SPTLC3: variants seen among roughly 807,000 people sequenced by gnomAD.
SPTLC3 encodes the protein serine palmitoyltransferase 3.
A neutral mutation model predicts 59.3 loss-of-function variants in SPTLC3; 36 were observed. The ratio of observed to expected loss-of-function variants is 0.61; its 90% CI spans 0.47 to 0.80. The LOEUF (loss-of-function observed/expected upper bound fraction) is 0.80. SPTLC3 is among the 30% of genes least tolerant of loss of function. The pLI, the probability that SPTLC3 is intolerant of heterozygous loss-of-function variation, is 0.00. For missense variants in SPTLC3, 625 were observed against 685.1 expected, an observed-to-expected ratio of 0.91 and a Z score of 0.98; for synonymous variants, 257 against 240.8, an observed-to-expected ratio of 1.07 and a Z score of -0.62.
rs115788884 is a variant in SPTLC3 at position 13,119,153 on chromosome 20, T to G, written c.1152+1428T>G. Among the ~76,000 whole-genome samples the G allele has an allele frequency of 3.7e-3, 563 of 152,358 alleles. 3 individuals are homozygous for G. Among genetic ancestry groups the G allele is most frequent in the African/African-American group, 0.013 (536 of 41,580 alleles). ...CTCCCTGATCCTGGCTACATTGCTCTGTGAGCTTGTGGTTTTGTGATTACT... is the reference window on the plus strand; with the variant it reads ...CTCCCTGATCCTGGCTACATTGCTCGGTGAGCTTGTGGTTTTGTGATTACT... On this transcript the variant is annotated intron_variant, in intron 8 of 11. Coordinates refer to ENST00000399002, the MANE Select transcript of SPTLC3 (RefSeq NM_018327.4).
intron 1 of SPTLC3, among the ~76,000 whole-genome samples, chr20:13,035,737 C>T (rs992686853): frequency 6.6e-6 from 1 of 152,136 alleles, no homozygotes; most frequent in African/African-American, 2.4e-5. Context: ...AGCAACTCTC[C>T]TATTTGTAAA....
chr20:13,071,445 AT>A (rs1456089630), intron 2 of SPTLC3, among the ~76,000 whole-genome samples: 1 of 152,198 alleles, frequency 6.6e-6, no homozygotes, highest in Non-Finnish European at 1.5e-5. Context: ...TAAATAGATT[AT>A]TCTGATGCAG....
At chr20:13,057,677 T>G (rs1987785469) in intron 2 of SPTLC3, among the ~76,000 whole-genome samples, 1 of 152,202 alleles carries the variant, frequency 6.6e-6, no homozygotes, top group African/African-American at 2.4e-5. Flanking sequence ...TAGACTCCAC[T>G]AACAATCAGT....
intron 1 of SPTLC3, among the ~76,000 whole-genome samples, chr20:13,020,543 A>T (rs1985825277): frequency 6.6e-6 from 1 of 152,084 alleles, no homozygotes; most frequent in African/African-American, 2.4e-5. Context: ...TTTGTCATTT[A>T]TATTAGAAGT....
intron 9 of SPTLC3, among the ~76,000 whole-genome samples, chr20:13,138,835 G>C (rs911414079): frequency 7.2e-5 from 11 of 152,170 alleles, no homozygotes; most frequent in African/African-American, 2.7e-4. Context: ...GAGCATGCTG[G>C]ATAATTCAAG....
intron 9 of SPTLC3, among the ~76,000 whole-genome samples, chr20:13,144,764 T>C (rs924888521): frequency 6.6e-6 from 1 of 152,126 alleles, no homozygotes; most frequent in African/African-American, 2.4e-5. Flanking sequence ...TGTGTGTGTG[T>C]GTGTATATAT....
chr20:13,078,769 T>G (rs1988736536), intron 4 of SPTLC3, among the ~76,000 whole-genome samples: 1 of 152,116 alleles, frequency 6.6e-6, no homozygotes, highest in Admixed American at 6.6e-5. Context: ...GGAGGGCAAG[T>G]GAGACTTGTG....
At chr20:13,116,033 C>T (rs1320095583) in intron 7 of SPTLC3, among the ~76,000 whole-genome samples, 1 of 152,116 alleles carries the variant, frequency 6.6e-6, no homozygotes, top group Non-Finnish European at 1.5e-5. Flanking sequence ...TAAGAAAAGA[C>T]AACTGTATTT....
At chr20:13,074,008 C>A (rs1600253461) in intron 3 of SPTLC3, 2 of 623,498 alleles carry the variant, frequency 3.2e-6, no homozygotes, top group East Asian at 3.9e-5. Context: ...CGGAGATAGT[C>A]CTGTCTCCAT....
intron 4 of SPTLC3, 46 bp from the exon 5 acceptor site, chr20:13,091,037 C>T: frequency 1.2e-6 from 2 of 1,605,790 alleles, no homozygotes; most frequent in Non-Finnish European, 1.7e-6. Context: ...CAATCTTGGC[C>T]TTGTTGAAAA....
At chr20:13,113,532 A>C (rs969424960) in intron 7 of SPTLC3, among the ~76,000 whole-genome samples, 1 of 152,214 alleles carries the variant, frequency 6.6e-6, no homozygotes, top group Non-Finnish European at 1.5e-5. Context: ...ACAACTCCAC[A>C]AAACTAATAA....
At chr20:13,114,301 A>G (rs1351397149) in intron 7 of SPTLC3, among the ~76,000 whole-genome samples, 1 of 152,230 alleles carries the variant, frequency 6.6e-6, no homozygotes, top group Non-Finnish European at 1.5e-5. Flanking sequence ...GTATGTTTTC[A>G]TTAAGTATCA....
intron 2 of SPTLC3, among the ~76,000 whole-genome samples, chr20:13,063,765 G>A (rs1193509315): frequency 6.6e-6 from 1 of 150,498 alleles, no homozygotes; most frequent in Non-Finnish European, 1.5e-5. Flanking sequence ...AGTGATTCTA[G>A]TGCCTCAGCC....
intron 1 of SPTLC3, among the ~76,000 whole-genome samples, chr20:13,034,055 T>C (rs77296076): frequency 6.6e-6 from 1 of 152,184 alleles, no homozygotes; most frequent in Non-Finnish European, 1.5e-5. Context: ...TTGATACTGC[T>C]TAGGCAATAA....
chr20:13,074,152 C>A, intron 3 of SPTLC3, 197 bp from the exon 4 acceptor site: 1 of 773,602 alleles, frequency 1.3e-6, no homozygotes, highest in East Asian at 2.6e-5. Context: ...CTGGATCCTC[C>A]GAGGGAAACC....
intron 6 of SPTLC3, among the ~76,000 whole-genome samples, chr20:13,097,891 A>G (rs1475268491): frequency 6.6e-6 from 1 of 152,222 alleles, no homozygotes; most frequent in Non-Finnish European, 1.5e-5. Flanking sequence ...CAAAAGAGAC[A>G]GGAAAATGCA....
At chr20:13,063,538 C>T (rs2122543210) in intron 2 of SPTLC3, among the ~76,000 whole-genome samples, 1 of 151,636 alleles carries the variant, frequency 6.6e-6, no homozygotes, top group African/African-American at 2.4e-5. Context: ...GTGATTTGGG[C>T]TTTTATTTTA....
chr20:13,047,811 T>C (rs138480907), intron 1 of SPTLC3, among the ~76,000 whole-genome samples: 1 of 152,244 alleles, frequency 6.6e-6, no homozygotes, highest in African/African-American at 2.4e-5. Context: ...AATAATATCA[T>C]GAACACCTAT....
chr20:13,141,990 T>G (rs2038394187), intron 9 of SPTLC3, among the ~76,000 whole-genome samples: 1 of 152,206 alleles, frequency 6.6e-6, no homozygotes, highest in African/African-American at 2.4e-5. Flanking sequence ...GTCCAATAAA[T>G]GCAAAATTAG....
Sources: allele counts gnomAD v4.1 joint callset (sites outside exome capture counted in the v4.1 genomes callset), GRCh38; gene constraint gnomAD v4.1.1; transcripts MANE v1.5; gene names NCBI Gene and HGNC (gene_info 2026-07-23, HGNC 2026-07-21).